NUP153: variants seen among roughly 807,000 people sequenced by gnomAD.
NUP153 encodes nuclear pore complex protein Nup153.
A neutral mutation model predicts 134.6 loss-of-function variants in NUP153; 27 were observed. The ratio of observed to expected loss-of-function variants is 0.20; its 90% CI spans 0.15 to 0.28. The LOEUF is 0.28. NUP153 is among the 10% of genes least tolerant of loss of function. The pLI is 1.00. For synonymous variants in NUP153, 640 were observed against 623.5 expected, an observed-to-expected ratio of 1.03 and a Z score of -0.40; for missense variants, 1,821 against 1,731.3, an observed-to-expected ratio of 1.05 and a Z score of -0.92.
At position 17,629,469 on chromosome 6, in the gene NUP153, G is replaced by T. The variant is rs753633591; in HGVS notation, c.2730C>A (p.Ser910=). 2 of 1,610,454 alleles carry T rather than the reference G, an allele frequency of 1.2e-6. No homozygotes were observed. Among genetic ancestry groups the T allele is most frequent in the African/African-American group, 2.7e-5 (2 of 74,656 alleles). Residue 910 remains serine, a synonymous_variant, in exon 18 of 22, where the codon TCC becomes TCA. Coordinates refer to ENST00000262077, the MANE Select transcript of NUP153 (RefSeq NM_005124.4). ...TTAAAGTCTGAGAAGGCCCAGAAGA[G>T]GATGATGAGACACCAAATTTGAAGG... ...SSSFKFGVSS[S]SSGPSQTLTS...
At position 17,629,339 on chromosome 6, in the gene NUP153, T is replaced by C. The variant is rs2113772952; in HGVS notation, c.2860A>G (p.Lys954Glu). ...CCAAATTTAAAATCTCCTATTGGTTTAGAAAATTTAAAGCCTTCACTCATG... is the reference window on the plus strand; with the variant it reads ...CCAAATTTAAAATCTCCTATTGGTTCAGAAAATTTAAAGCCTTCACTCATG... ...NPMSEGFKFS[K>E]PIGDFKFGVS... The change falls in exon 18 of 22, where the codon AAA (lysine) becomes GAA (glutamate). Residue 954 changes from lysine (K) to glutamate (E), a missense_variant. Transcript: ENST00000262077. 6.2e-7 allele frequency: 1 copy of C among 1,608,708 alleles called. No homozygotes were observed. Among genetic ancestry groups the C allele is most frequent in the East Asian group, 2.2e-5 (1 of 44,852 alleles).
At chr6:17,696,615 T>G (rs1047876790) in intron 1 of NUP153, among the ~76,000 whole-genome samples, 1 of 151,524 alleles carries the variant, frequency 6.6e-6, no homozygotes, top group Non-Finnish European at 1.5e-5. Flanking sequence ...ATTAGCTGGG[T>G]GTGGTGGTGG....
intron 1 of NUP153, among the ~76,000 whole-genome samples, chr6:17,689,031 T>A (rs1226031044): frequency 6.6e-6 from 1 of 151,928 alleles, no homozygotes; most frequent in Admixed American, 6.6e-5. Flanking sequence ...GCACATGCTT[T>A]AAGATAAATA....
chr6:17,671,433 T>C (rs192095643), intron 5 of NUP153, among the ~76,000 whole-genome samples: 413 of 152,324 alleles, frequency 2.7e-3, no homozygotes, highest in African/African-American at 9.5e-3. Flanking sequence ...TATCTGAGCC[T>C]GAAGCTTCTT....
At chr6:17,687,712 T>C (rs1439086180) in intron 2 of NUP153, among the ~76,000 whole-genome samples, 1 of 152,212 alleles carries the variant, frequency 6.6e-6, no homozygotes, top group Non-Finnish European at 1.5e-5. Context: ...CAAAAAGTTT[T>C]GTAATTATGT....
chr6:17,634,114 C>A (rs77013859), intron 16 of NUP153, among the ~76,000 whole-genome samples: 120 of 152,066 alleles, frequency 7.9e-4, no homozygotes, highest in Non-Finnish European at 1.5e-3. Context: ...GAACCCCCCC[C>A]ATTACTCCCA....
chr6:17,648,405 T>G (rs2113798621), intron 12 of NUP153, among the ~76,000 whole-genome samples: 3 of 152,206 alleles, frequency 2.0e-5, no homozygotes, highest in African/African-American at 7.2e-5. Context: ...TCACCTGAAG[T>G]CAGGAGTTCA....
At chr6:17,657,393 T>TAAAAAAATAAAAAAA (rs1561880672) in intron 11 of NUP153, among the ~76,000 whole-genome samples, 20 of 95,058 alleles carry the variant, frequency 2.1e-4, no homozygotes, top group Admixed American at 2.0e-3. Context: ...AATAAAAAAA[T>TAAAAAAATAAAAAAA]AAAAAAATAA....
At chr6:17,701,784 G>A (rs1770097717) in intron 1 of NUP153, among the ~76,000 whole-genome samples, 1 of 137,526 alleles carries the variant, frequency 7.3e-6, no homozygotes, top group East Asian at 2.2e-4. Flanking sequence ...AGTGAGCCAA[G>A]ATTGTGCCAC....
At chr6:17,690,278 G>C (rs910539857) in intron 1 of NUP153, among the ~76,000 whole-genome samples, 3 of 152,112 alleles carry the variant, frequency 2.0e-5, no homozygotes, top group Non-Finnish European at 2.9e-5. Flanking sequence ...CGTGAACCCG[G>C]GTGGCGTAGC....
intron 20 of NUP153, among the ~76,000 whole-genome samples, chr6:17,618,547 G>A (rs1764455459): frequency 7.0e-6 from 1 of 143,870 alleles, no homozygotes; most frequent in African/African-American, 2.5e-5. Context: ...AGAAATAGTG[G>A]AAGTTAAAAT....
intron 14 of NUP153, among the ~76,000 whole-genome samples, chr6:17,645,120 G>T (rs1242918907): frequency 1.3e-5 from 2 of 151,702 alleles, no homozygotes; most frequent in Non-Finnish European, 2.9e-5. Flanking sequence ...CAGCAGGGTG[G>T]CAGGCACCTG....
Position 17,680,157 on chromosome 6 carries a change from T to G in NUP153, c.335-4387A>C, listed in dbSNP as rs1423725451. 6.6e-6 allele frequency among the ~76,000 whole-genome samples: 1 copy of G among 152,130 alleles called. No individual in the cohort carries two copies. Among genetic ancestry groups the G allele is most frequent in the Non-Finnish European group, 1.5e-5 (1 of 68,028 alleles). On this transcript the variant is annotated intron_variant, in intron 2 of 21. Coordinates refer to ENST00000262077, the MANE Select transcript of NUP153 (RefSeq NM_005124.4). The surrounding 1 kb of genome is among the most constrained non-coding windows in gnomAD (Gnocchi z 4.5). ...TTCCCTTGCGCTCAAGCACAAGCCCTGAAATAAAAGTCCTGTCTGGGAAAT... is the reference window on the plus strand; with the variant it reads ...TTCCCTTGCGCTCAAGCACAAGCCCGGAAATAAAAGTCCTGTCTGGGAAAT...
chr6:17,662,213 C>T (rs1048343768), intron 9 of NUP153, 143 bp from the exon 10 acceptor site: 8 of 705,478 alleles, frequency 1.1e-5, no homozygotes, highest in Non-Finnish European at 1.9e-5. Flanking sequence ...TGAAATTACA[C>T]CCTGCCTTCT....
intron 11 of NUP153, 70 bp downstream of exon 11, chr6:17,661,583 T>TC: frequency 6.8e-7 from 1 of 1,481,346 alleles, no homozygotes; most frequent in Non-Finnish European, 9.0e-7. Flanking sequence ...CCCCTACAGG[T>TC]CTCCCCTTAC....
intron 20 of NUP153, chr6:17,619,674 C>T (rs887539353): frequency 6.6e-6 from 1 of 152,080 alleles, no homozygotes; most frequent in Admixed American, 6.6e-5. Flanking sequence ...AGAACACAAA[C>T]AAATGTAAAG....
At chr6:17,672,043 C>G (rs1308744403) in intron 5 of NUP153, among the ~76,000 whole-genome samples, 2 of 152,094 alleles carry the variant, frequency 1.3e-5, no homozygotes, top group East Asian at 3.9e-4. Flanking sequence ...AAAATCCTAG[C>G]AGACTGTAGA....
intron 11 of NUP153, among the ~76,000 whole-genome samples, chr6:17,650,178 C>T (rs995655521): frequency 1.3e-5 from 2 of 152,104 alleles, no homozygotes; most frequent in African/African-American, 4.8e-5. Context: ...GGCACAAGAG[C>T]AACCAAAAGC....
In NUP153 at chr6:17,698,624, G is replaced by C. The variant is rs1769820216; in HGVS notation, c.111+7653C>G. Among the ~76,000 whole-genome samples the C allele has an allele frequency of 2.6e-5, 4 of 151,918 alleles. 1 individual carries two copies. The highest frequency in any genetic ancestry group is 9.7e-5 in the African/African-American group (4 of 41,448). Reference sequence around the variant, plus strand: ...GTGGTGGTGGGCACCTGTAGTCCCAGCTACTTGGGAGGCTGAGGCAGGAGA... The same window carrying C: ...GTGGTGGTGGGCACCTGTAGTCCCACCTACTTGGGAGGCTGAGGCAGGAGA... On this transcript the variant is annotated intron_variant, in intron 1 of 21. Coordinates refer to ENST00000262077, the MANE Select transcript of NUP153 (RefSeq NM_005124.4).
Sources: gnomAD v4.1 joint callset for allele counts (sites outside exome capture counted in the v4.1 genomes callset) on GRCh38, gnomAD v4.1.1 for gene constraint, Gnocchi (gnomAD v3.1) non-coding constraint, MANE v1.5 for transcripts, NCBI Gene and HGNC (gene_info 2026-07-23, HGNC 2026-07-21) for gene names.